CLTC: variants seen among roughly 807,000 people sequenced by gnomAD.
CLTC encodes clathrin heavy chain, also known as clathrin heavy chain 1.
In CLTC, 16 loss-of-function variants were observed where a neutral mutation model predicts 195.8. The ratio of observed to expected loss-of-function variants is 0.08; its 90% CI spans 0.06 to 0.12. The LOEUF (loss-of-function observed/expected upper bound fraction) is 0.12. Among genes scored for constraint, CLTC ranks in the 10% least tolerant of loss-of-function variants. The pLI is 1.00. For missense variants in CLTC, 796 were observed against 2,027.0 expected (o/e 0.39, Z 11.66); for synonymous variants, 667 against 689.4 (o/e 0.97, Z 0.51).
chr17:59,620,226 G>A (rs2143420932), intron 1 of CLTC, 53 bp downstream of exon 1: 2 of 1,595,728 alleles, frequency 1.3e-6, no homozygotes, highest in South Asian at 2.2e-5. Flanking sequence ...TAGGAAGGAT[G>A]GAAGACGCTG....
At chr17:59,620,253 A>G (rs909288795) in intron 1 of CLTC, 80 bp downstream of exon 1, 30 of 1,472,394 alleles carry the variant, frequency 2.0e-5, no homozygotes, top group Non-Finnish European at 2.4e-5. Flanking sequence ...GGGCCCGAGC[A>G]GTATCGGAGC....
chr17:59,675,193 A>C (rs531520130), intron 16 of CLTC, among the ~76,000 whole-genome samples: 1 of 152,288 alleles, frequency 6.6e-6, no homozygotes, highest in Non-Finnish European at 1.5e-5. Context: ...CTGATCAATC[A>C]TGTGGTGTTT....
chr17:59,638,558 G>C (rs2143478538), intron 1 of CLTC, among the ~76,000 whole-genome samples: 1 of 152,148 alleles, frequency 6.6e-6, no homozygotes, highest in Non-Finnish European at 1.5e-5. Flanking sequence ...ACCGGTTGGG[G>C]GTGGGAGTGG....
chr17:59,660,321 C>A, intron 6 of CLTC, 70 bp from the exon 7 acceptor site: 1 of 1,369,606 alleles, frequency 7.3e-7, no homozygotes, highest in Non-Finnish European at 1.0e-6. Flanking sequence ...TTAACCTGTT[C>A]TAAACAGATT....
chr17:59,692,323 T>TAA (rs1555608325), intron 31 of CLTC, among the ~76,000 whole-genome samples: 150 of 151,832 alleles, frequency 9.9e-4, no homozygotes, highest in African/African-American at 3.5e-3. Context: ...CAAAAAATAA[T>TAA]AATAAACTGG....
chr17:59,651,362 A>G, intron 5 of CLTC, 46 bp downstream of exon 5: 1 of 1,260,960 alleles, frequency 7.9e-7, no homozygotes, highest in East Asian at 2.3e-5. Flanking sequence ...TCTCCTCTTA[A>G]AAGAAATTAA....
At chr17:59,654,433 C>A (rs1292640414) in intron 5 of CLTC, among the ~76,000 whole-genome samples, 2 of 152,034 alleles carry the variant, frequency 1.3e-5, no homozygotes, top group Non-Finnish European at 2.9e-5. Flanking sequence ...CTGCCTCAGC[C>A]TCCCAAAGTG....
At chr17:59,625,047 AT>A (rs1255486408) in intron 1 of CLTC, among the ~76,000 whole-genome samples, 1 of 152,030 alleles carries the variant, frequency 6.6e-6, no homozygotes, top group East Asian at 1.9e-4. Context: ...TCAGTATAAA[AT>A]TTACTAATGA....
chr17:59,633,711 A>C (rs2031788324), intron 1 of CLTC, among the ~76,000 whole-genome samples: 1 of 152,174 alleles, frequency 6.6e-6, no homozygotes, highest in Non-Finnish European at 1.5e-5. Flanking sequence ...GACAGAATGT[A>C]ACACTAGGCT....
At chr17:59,624,132 G>A (rs1438944941) in intron 1 of CLTC, among the ~76,000 whole-genome samples, 1 of 152,130 alleles carries the variant, frequency 6.6e-6, no homozygotes, top group Non-Finnish European at 1.5e-5. Flanking sequence ...AATTTGGCTA[G>A]GTACTTTCAG....
At chr17:59,667,740 A>C (rs560769625) in intron 13 of CLTC, among the ~76,000 whole-genome samples, 1 of 152,166 alleles carries the variant, frequency 6.6e-6, no homozygotes, top group Non-Finnish European at 1.5e-5. Flanking sequence ...GTGACAACCA[A>C]AAATGTCTTC....
intron 28 of CLTC, 153 bp downstream of exon 28, chr17:59,684,138 T>G: frequency 1.7e-6 from 1 of 580,584 alleles, no homozygotes; most frequent in South Asian, 2.4e-5. Context: ...TGATAAATCT[T>G]CTAATTAAGT....
At chr17:59,651,125 T>C in intron 4 of CLTC, 78 bp from the exon 5 acceptor site, 6 of 863,614 alleles carry the variant, frequency 6.9e-6, no homozygotes, top group Non-Finnish European at 1.1e-5. Flanking sequence ...TTGTTTCCAT[T>C]TGGGGGCTAC....
At chr17:59,674,624 A>C in intron 15 of CLTC, 77 bp from the exon 16 acceptor site, 2 of 1,311,322 alleles carry the variant, frequency 1.5e-6, no homozygotes, top group Non-Finnish European at 2.1e-6. Flanking sequence ...TAAAAGCGAT[A>C]GAGATAAATG....
chr17:59,629,931 A>C (rs1050161843), intron 1 of CLTC, among the ~76,000 whole-genome samples: 1 of 152,224 alleles, frequency 6.6e-6, no homozygotes, highest in African/African-American at 2.4e-5. Context: ...TGGATTTTTG[A>C]AAAGCATTGT....
chr17:59,629,821 G>A (rs1344108824), intron 1 of CLTC, among the ~76,000 whole-genome samples: 2 of 148,712 alleles, frequency 1.3e-5, no homozygotes, highest in Non-Finnish European at 3.0e-5. Flanking sequence ...ACCCAGCCTA[G>A]AGATCATAAT....
intron 1 of CLTC, among the ~76,000 whole-genome samples, chr17:59,637,399 CA>C (rs1401827638): frequency 6.6e-6 from 1 of 151,184 alleles, no homozygotes; most frequent in Admixed American, 6.6e-5. Flanking sequence ...TGCCCGTCAC[CA>C]CACCTGGCTA....
In CLTC at chr17:59,643,719, C is replaced by G. The variant is rs559229558; in HGVS notation, c.43-557C>G. Among the ~76,000 whole-genome samples the G allele has an allele frequency of 1.8e-4, 27 of 152,334 alleles. 2 individuals are homozygous for G. The highest frequency in any genetic ancestry group is 6.5e-4 in the African/African-American group (27 of 41,582). ...TTCTCTCGCCTGCCTCCTTTGAACA[C>G]ATTGCTTTAGCTGTGTAGCCTTTGA... On this transcript the variant is annotated intron_variant, in intron 1 of 31. Transcript: ENST00000269122.
At chr17:59,684,180 T>C in intron 28 of CLTC, 195 bp downstream of exon 28, 1 of 526,476 alleles carries the variant, frequency 1.9e-6, no homozygotes, top group Non-Finnish European at 3.4e-6. Flanking sequence ...TCAGATCTTG[T>C]ATAAGATACT....
Sources: gnomAD v4.1 joint callset for allele counts (sites outside exome capture counted in the v4.1 genomes callset) on GRCh38, gnomAD v4.1.1 for gene constraint, MANE v1.5 for transcripts, NCBI Gene and HGNC (gene_info 2026-07-23, HGNC 2026-07-21) for gene names.